PIK3CB: variants seen among roughly 807,000 people sequenced by gnomAD.
PIK3CB encodes phosphatidylinositol-4,5-bisphosphate 3-kinase catalytic subunit beta, also known as phosphatidylinositol 4,5-bisphosphate 3-kinase catalytic subunit beta isoform.
In PIK3CB, 39 loss-of-function variants were observed where a neutral mutation model predicts 136.8. The observed-to-expected ratio is 0.29, with a 90% CI of 0.22 to 0.37. The LOEUF (loss-of-function observed/expected upper bound fraction) is 0.37. Ranked by LOEUF, PIK3CB falls within the 10% of genes least tolerant of loss-of-function variation. PIK3CB has a pLI of 1.00. For synonymous variants in PIK3CB, 428 were observed against 436.6 expected (o/e 0.98, Z 0.25); for missense variants, 868 against 1,275.4 (o/e 0.68, Z 4.87).
rs985167908 is a variant in PIK3CB at position 138,714,036 on chromosome 3, CA to C, written c.1302+431del. On this transcript the variant is annotated intron_variant, in intron 9 of 23. Coordinates refer to ENST00000674063, the MANE Select transcript of PIK3CB (RefSeq NM_006219.3). ...GATGACACATTTATGCCCCAGACCC[CA>C]CAAGATATGTTGAGTCAGTTACGAC... 2.4e-4 allele frequency among the ~76,000 whole-genome samples: 36 copies of C among 152,282 alleles called. 1 individual carries two copies. Among genetic ancestry groups the C allele is most frequent in the African/African-American group, 8.2e-4 (34 of 41,566 alleles).
chr3:138,688,211 G>A (rs2108498408), intron 16 of PIK3CB, among the ~76,000 whole-genome samples: 1 of 152,172 alleles, frequency 6.6e-6, no homozygotes, highest in East Asian at 1.9e-4. Flanking sequence ...TATAAAAATA[G>A]GGTGGGGCAG....
At chr3:138,782,466 T>C (rs985531275) in intron 2 of PIK3CB, among the ~76,000 whole-genome samples, 1 of 152,216 alleles carries the variant, frequency 6.6e-6, no homozygotes, top group Non-Finnish European at 1.5e-5. Context: ...CCTTTTCTTA[T>C]ACCTTAGAAA....
rs186653126 is a variant in PIK3CB at position 138,652,931 on chromosome 3, G to A, written c.*2458C>T. 2 of 215,696 alleles carry A rather than the reference G, an allele frequency of 9.3e-6. No individual in the cohort carries two copies. The highest frequency in any genetic ancestry group is 5.8e-5 in the Admixed American group (1 of 17,204). The allele number at this position is 215,696 out of a possible 1,614,324, so 13.4% of individuals were successfully genotyped here. On this transcript the variant is annotated 3_prime_UTR_variant, in exon 24 of 24. Coordinates refer to ENST00000674063, the MANE Select transcript of PIK3CB (RefSeq NM_006219.3). ...TTGCATTTTTAACCAGTTCTCTCTG[G>A]TGATGCTGATGCTCCTCATCAGGGG...
At chr3:138,761,040 G>A (rs1486471063) in intron 2 of PIK3CB, among the ~76,000 whole-genome samples, 6 of 152,182 alleles carry the variant, frequency 3.9e-5, no homozygotes. Context: ...ATTAATAGAT[G>A]CTAAAGACAT....
At chr3:138,794,853 C>G (rs1226243751) in intron 2 of PIK3CB, among the ~76,000 whole-genome samples, 1 of 152,136 alleles carries the variant, frequency 6.6e-6, no homozygotes, top group African/African-American at 2.4e-5. Context: ...TCTTTGCATA[C>G]AACCTATGCA....
chr3:138,826,431 C>T lies in PIK3CB; in HGVS notation c.-122+8264G>A, dbSNP rs899020831. 4 of 932,616 alleles carry T rather than the reference C, an allele frequency of 4.3e-6. No individual in the cohort carries two copies. In the African/African-American group the frequency reaches 6.6e-5, roughly 15 times the overall value. 57.8% of individuals were successfully genotyped at this position (932,616 alleles called of 1,614,324 possible). ...GCCATTTAGGTTTAATAGTAAATGA[C>T]TGGTTAATGATAACAATGCACTGTA... On this transcript the variant is annotated intron_variant, in intron 1 of 23. Transcript: ENST00000674063.
intron 11 of PIK3CB, among the ~76,000 whole-genome samples, chr3:138,705,154 G>GAAAAAAAAAAAAAAA (rs1559828431): frequency 3.3e-5 from 1 of 29,886 alleles, no homozygotes; most frequent in South Asian, 1.7e-3. Flanking sequence ...GATTAGAAAG[G>GAAAAAAAAAAAAAAA]CAAAAAAAAA....
rs768914244 is a variant in PIK3CB, at chr3:138,737,859, T to C, written c.649A>G (p.Asn217Asp). The C allele has an allele frequency of 6.2e-7, 1 of 1,603,924 alleles. No homozygotes were observed. Among genetic ancestry groups the C allele is most frequent in the East Asian group, 2.3e-5 (1 of 44,308 alleles). Residue 217 changes from asparagine to aspartate, a missense_variant, in exon 6 of 24, where the codon AAT becomes GAT. Asn to Asp is a conservative substitution (Grantham distance 23, BLOSUM62 1). Transcript: ENST00000674063. Reference protein sequence around the residue: ...QDVFSFQVSPNMNPIKVNELA... With the variant: ...QDVFSFQVSPDMNPIKVNELA... ...TCATTTACTTTGATAGGATTCATAT[T>C]AGGAGACACTTGAAAGCTAAACACG... is the stretch of plus-strand genomic sequence containing the variant.
At chr3:138,795,920 T>C (rs1016211157) in intron 2 of PIK3CB, among the ~76,000 whole-genome samples, 5 of 152,178 alleles carry the variant, frequency 3.3e-5, no homozygotes, top group African/African-American at 1.2e-4. Context: ...TCTTCAGTTT[T>C]CAACTAACCT....
chr3:138,667,655 G>A (rs1005770282), intron 19 of PIK3CB, among the ~76,000 whole-genome samples: 1 of 150,800 alleles, frequency 6.6e-6, no homozygotes, highest in East Asian at 2.0e-4. Context: ...TCCACCTCCC[G>A]GGTTCACGTC....
intron 1 of PIK3CB, among the ~76,000 whole-genome samples, chr3:138,815,163 AT>A (rs1471239938): frequency 0.015 from 625 of 43,064 alleles, 30 homozygotes; most frequent in African/African-American, 0.039. Flanking sequence ...AAAAAAAAAA[AT>A]ATATATATAT....
chr3:138,683,225 G>A (rs1332677946), intron 18 of PIK3CB, among the ~76,000 whole-genome samples: 1 of 151,804 alleles, frequency 6.6e-6, no homozygotes, highest in Non-Finnish European at 1.5e-5. Flanking sequence ...GTGGTGGTGT[G>A]TGCCTGTAGT....
chr3:138,677,058 A>ATT (rs5852918), intron 19 of PIK3CB, among the ~76,000 whole-genome samples: 73,940 of 143,494 alleles, frequency 0.52, 20,726 homozygotes, highest in East Asian at 0.95. Flanking sequence ...ATTATGCAAG[A>ATT]TTTTTTTTTT....
At chr3:138,740,731 C>T (rs1009406351) in intron 5 of PIK3CB, among the ~76,000 whole-genome samples, 1 of 152,036 alleles carries the variant, frequency 6.6e-6, no homozygotes, top group African/African-American at 2.4e-5. Context: ...GGGCTCGCTG[C>T]AAACTCCGCC....
chr3:138,833,177 C>T (rs1934117992), intron 1 of PIK3CB, among the ~76,000 whole-genome samples: 1 of 149,800 alleles, frequency 6.7e-6, no homozygotes, highest in Non-Finnish European at 1.5e-5. Context: ...AGGGATTCTC[C>T]TGCCTCAGCC....
At chr3:138,790,272 G>A (rs2046033137) in intron 2 of PIK3CB, among the ~76,000 whole-genome samples, 1 of 151,952 alleles carries the variant, frequency 6.6e-6, no homozygotes, top group African/African-American at 2.4e-5. Flanking sequence ...CAGTGATGAT[G>A]TACTTTTGTG....
At chr3:138,659,444 G>C (rs2043247957) in intron 21 of PIK3CB, among the ~76,000 whole-genome samples, 1 of 151,952 alleles carries the variant, frequency 6.6e-6, no homozygotes, top group Admixed American at 6.6e-5. Flanking sequence ...TTGAACCCAG[G>C]AGGCGGAGGC....
At chr3:138,703,238 T>C (rs901279991) in intron 12 of PIK3CB, among the ~76,000 whole-genome samples, 14 of 152,168 alleles carry the variant, frequency 9.2e-5, no homozygotes, top group African/African-American at 3.1e-4. Context: ...CAGTAGCAGA[T>C]GACTCACACT....
chr3:138,734,327 A>G (rs945609880), intron 7 of PIK3CB, among the ~76,000 whole-genome samples: 1 of 152,314 alleles, frequency 6.6e-6, no homozygotes, highest in African/African-American at 2.4e-5. Context: ...TAACTTTTCT[A>G]CTAGGATGTC....
Sources: allele counts gnomAD v4.1 joint callset (sites outside exome capture counted in the v4.1 genomes callset), GRCh38; gene constraint gnomAD v4.1.1; transcripts MANE v1.5; gene names NCBI Gene and HGNC (gene_info 2026-07-23, HGNC 2026-07-21).